IL1RAPL1: variants seen among roughly 807,000 people sequenced by gnomAD.
IL1RAPL1 encodes the protein interleukin-1 receptor accessory protein-like 1.
Under a neutral mutation model 48.4 loss-of-function variants are expected in IL1RAPL1, and 3 were observed. That is an observed-to-expected ratio of 0.06 (90% CI 0.03 to 0.16). The LOEUF is 0.16. Ranked by LOEUF, IL1RAPL1 falls within the 10% of genes least tolerant of loss-of-function variation. IL1RAPL1 has a pLI of 1.00. For missense variants in IL1RAPL1, 349 were observed against 530.6 expected, an observed-to-expected ratio of 0.66 and a Z score of 3.36; for synonymous variants, 185 against 187.7, an observed-to-expected ratio of 0.99 and a Z score of 0.12.
intron 6 of IL1RAPL1, among the ~76,000 whole-genome samples, chrX:29,889,673 T>C (rs1184813862): frequency 9.0e-6 from 1 of 111,637 alleles, no homozygotes. Flanking sequence ...TATATATTCA[T>C]GTACATATGC....
At chrX:29,181,117 T>G (rs995196790) in intron 2 of IL1RAPL1, among the ~76,000 whole-genome samples, 1 of 111,820 alleles carries the variant, frequency 8.9e-6, no homozygotes, top group African/African-American at 3.3e-5. Flanking sequence ...TCTGACTGAG[T>G]TGCTAACATG....
chrX:29,310,725 T>C (rs1256118978), intron 3 of IL1RAPL1, among the ~76,000 whole-genome samples: 2 of 112,225 alleles, frequency 1.8e-5, no homozygotes, highest in Non-Finnish European at 3.8e-5. Context: ...CCTAAGTAGC[T>C]TTTAATGCTC....
intron 3 of IL1RAPL1, among the ~76,000 whole-genome samples, chrX:29,378,172 T>G (rs1367016600): frequency 9.0e-6 from 1 of 111,412 alleles, no homozygotes; most frequent in Non-Finnish European, 1.9e-5. Context: ...CTATTAATAC[T>G]TTTGATTTTA....
At chrX:29,824,200 G>A (rs771422408) in intron 6 of IL1RAPL1, among the ~76,000 whole-genome samples, 44 of 111,629 alleles carry the variant, frequency 3.9e-4, no homozygotes, top group Non-Finnish European at 5.6e-4. Flanking sequence ...TACCTTAAGT[G>A]GCTGTAACTT....
intron 5 of IL1RAPL1, among the ~76,000 whole-genome samples, chrX:29,555,639 C>G (rs759281597): frequency 6.5e-4 from 73 of 111,905 alleles, no homozygotes; most frequent in African/African-American, 2.1e-3. Context: ...CTGTCTCTTT[C>G]AGTTCTTTAA....
chrX:28,825,839 G>A (rs190863789), intron 2 of IL1RAPL1, among the ~76,000 whole-genome samples: 1 of 111,250 alleles, frequency 9.0e-6, no homozygotes, highest in African/African-American at 3.3e-5. Context: ...TTGCATTCCT[G>A]TAAACATATG....
At chrX:29,890,132 A>T (rs1025241787) in intron 6 of IL1RAPL1, among the ~76,000 whole-genome samples, 14 of 111,397 alleles carry the variant, frequency 1.3e-4, no homozygotes, top group African/African-American at 4.6e-4. Context: ...CTATTCTCTC[A>T]CTGTCTATTC....
chrX:29,909,422 C>A (rs1025905826), intron 6 of IL1RAPL1, among the ~76,000 whole-genome samples: 9 of 110,337 alleles, frequency 8.2e-5, no homozygotes, highest in African/African-American at 3.0e-4. Context: ...CAGAGTGAGA[C>A]CCTATCTCAA....
At chrX:29,024,498 G>A (rs1926441476) in intron 2 of IL1RAPL1, among the ~76,000 whole-genome samples, 1 of 111,638 alleles carries the variant, frequency 9.0e-6, no homozygotes, top group Non-Finnish European at 1.9e-5. Flanking sequence ...ACCACTCTGT[G>A]CCTCAGTTTA....
At chrX:29,379,618 C>T (rs111800219) in intron 3 of IL1RAPL1, among the ~76,000 whole-genome samples, 2,492 of 111,683 alleles carry the variant, frequency 0.022, 75 homozygotes, top group African/African-American at 0.076. Flanking sequence ...AGTCCCACAG[C>T]TTCTTTACTC....
chrX:29,550,510 A>G (rs1343529394), intron 5 of IL1RAPL1, among the ~76,000 whole-genome samples: 1 of 112,120 alleles, frequency 8.9e-6, no homozygotes, highest in East Asian at 2.8e-4. Flanking sequence ...ATCCAAGTAA[A>G]GTATATGTAT....
At chrX:29,471,684 A>G (rs1306478222) in intron 5 of IL1RAPL1, among the ~76,000 whole-genome samples, 5 of 111,281 alleles carry the variant, frequency 4.5e-5, no homozygotes. Context: ...TTTCTTTCAC[A>G]TATCCATTAG....
intron 6 of IL1RAPL1, among the ~76,000 whole-genome samples, chrX:29,891,458 A>G (rs1932274987): frequency 9.0e-6 from 1 of 111,469 alleles, no homozygotes; most frequent in African/African-American, 3.3e-5. Flanking sequence ...AGACATGGCT[A>G]TTGAGCCCAG....
At chrX:29,146,965 C>T (rs1409908403) in intron 2 of IL1RAPL1, among the ~76,000 whole-genome samples, 1 of 112,325 alleles carries the variant, frequency 8.9e-6, no homozygotes, top group Non-Finnish European at 1.9e-5. Context: ...TTCAGTTCTA[C>T]TTGAGATCTT....
At chrX:29,766,362 T>TAG (rs1294669220) in intron 6 of IL1RAPL1, among the ~76,000 whole-genome samples, 1 of 69,908 alleles carries the variant, frequency 1.4e-5, no homozygotes, top group Non-Finnish European at 2.5e-5. Context: ...TATATATATA[T>TAG]AGATAGATAG....
In IL1RAPL1 at chrX:29,236,972, T is replaced by C. The variant is rs190463813; in HGVS notation, c.83-45966T>C. Among the ~76,000 whole-genome samples, 819 of 110,653 alleles carry C rather than the reference T, an allele frequency of 7.4e-3. 5 individuals are homozygous for C. Among genetic ancestry groups the C allele is most frequent in the Middle Eastern group, 0.014 (3 of 215 alleles). On this transcript the variant is annotated intron_variant, in intron 2 of 10. Coordinates refer to ENST00000378993, the MANE Select transcript of IL1RAPL1 (RefSeq NM_014271.4). Reference sequence around the variant, plus strand: ...GGACATCTGTGTTGCACTGGTATTGTTAAATTGGCCTTCAGTAAAATCAAA... The same window carrying C: ...GGACATCTGTGTTGCACTGGTATTGCTAAATTGGCCTTCAGTAAAATCAAA...
chrX:29,257,728 C>T (rs190904145), intron 2 of IL1RAPL1, among the ~76,000 whole-genome samples: 265 of 111,791 alleles, frequency 2.4e-3, no homozygotes, highest in African/African-American at 8.0e-3. Context: ...AAGTTTTCAC[C>T]GCTGGAATGC....
chrX:28,732,620 C>T (rs1935769812), intron 1 of IL1RAPL1, among the ~76,000 whole-genome samples: 2 of 111,594 alleles, frequency 1.8e-5, no homozygotes, highest in African/African-American at 6.5e-5. Context: ...TTGTTTCATC[C>T]CAGCACTTTG....
At chrX:29,371,126 CTTT>C (rs1168566971) in intron 3 of IL1RAPL1, among the ~76,000 whole-genome samples, 2 of 56,720 alleles carry the variant, frequency 3.5e-5, no homozygotes, top group African/African-American at 7.4e-5. Flanking sequence ...TCTAAATGTA[CTTT>C]TTTTTTTTTT....
Sources: gnomAD v4.1 joint callset for allele counts (sites outside exome capture counted in the v4.1 genomes callset) on GRCh38, gnomAD v4.1.1 for gene constraint, MANE v1.5 for transcripts, NCBI Gene and HGNC (gene_info 2026-07-23, HGNC 2026-07-21) for gene names.